MEI4: variants seen among roughly 807,000 people sequenced by gnomAD.
MEI4 encodes meiotic double-stranded break formation protein 4.
A neutral mutation model predicts 31.4 loss-of-function variants in MEI4; 27 were observed. The observed-to-expected ratio is 0.86, with a 90% confidence interval of 0.63 to 1.19. The LOEUF (loss-of-function observed/expected upper bound fraction) is 1.19. MEI4 is among the 50% of genes most tolerant of loss of function. The pLI is 0.00. For synonymous variants in MEI4, 122 were observed against 145.4 expected (o/e 0.84, Z 1.16); for missense variants, 329 against 398.9 (o/e 0.82, Z 1.49).
At chr6:77,872,576 T>C (rs190853871) in intron 4 of MEI4, among the ~76,000 whole-genome samples, 4 of 151,926 alleles carry the variant, frequency 2.6e-5, no homozygotes, top group Non-Finnish European at 4.4e-5. Flanking sequence ...ATTTTTTATT[T>C]ATTTTATTTT....
chr6:77,671,590 A>G (rs1003341543), intron 1 of MEI4, among the ~76,000 whole-genome samples: 1 of 152,190 alleles, frequency 6.6e-6, no homozygotes, highest in African/African-American at 2.4e-5. Context: ...TTTATTTTGA[A>G]GTAGCAACAA....
chr6:77,694,938 T>G (rs1364889003), intron 2 of MEI4, among the ~76,000 whole-genome samples: 5 of 151,040 alleles, frequency 3.3e-5, no homozygotes, highest in African/African-American at 1.2e-4. Flanking sequence ...TTTCCTGACT[T>G]TTTAATGATC....
At chr6:77,747,326 A>C (rs1359933934) in intron 2 of MEI4, among the ~76,000 whole-genome samples, 1 of 152,188 alleles carries the variant, frequency 6.6e-6, no homozygotes, top group Admixed American at 6.5e-5. Flanking sequence ...CTAAAAAAAA[A>C]GAAAAAGAGA....
intron 2 of MEI4, among the ~76,000 whole-genome samples, chr6:77,743,212 A>C (rs9341689): frequency 0.092 from 13,970 of 152,054 alleles, 916 homozygotes; most frequent in East Asian, 0.31. Context: ...TACCTTGGGC[A>C]GTATGGCCAT....
At chr6:77,803,659 G>A (rs1384056665) in intron 3 of MEI4, among the ~76,000 whole-genome samples, 1 of 152,104 alleles carries the variant, frequency 6.6e-6, no homozygotes, top group Non-Finnish European at 1.5e-5. Context: ...TGGTGTGGAT[G>A]TCCTTTCTGT....
chr6:77,825,732 G>T (rs1031844266), intron 3 of MEI4, among the ~76,000 whole-genome samples: 4 of 152,074 alleles, frequency 2.6e-5, no homozygotes, highest in Non-Finnish European at 4.4e-5. Flanking sequence ...TTACTTATTT[G>T]GGACTCATTG....
intron 2 of MEI4, among the ~76,000 whole-genome samples, chr6:77,712,503 G>A (rs748730389): frequency 3.3e-5 from 5 of 152,150 alleles, no homozygotes; most frequent in Non-Finnish European, 7.3e-5. Context: ...GTGGTGTGAT[G>A]TTAGCAACCA....
Position 77,923,796 on chromosome 6 carries a change from T to TTTTTCTTACATAGTTGAAC in MEI4, c.*453_*471dup, listed in dbSNP as rs1554181974. On this transcript the variant is annotated 3_prime_UTR_variant, in exon 5 of 5. Transcript: ENST00000684080. ...TGGTCATAAATGCAATTTTTAAAAC[T>TTTTTCTTACATAGTTGAAC]TTTTCTTACATAGTTGAACTTATAT... The TTTTTCTTACATAGTTGAAC allele has an allele frequency of 6.6e-6, 1 of 151,910 alleles. No individual in the cohort carries two copies. Among genetic ancestry groups the TTTTTCTTACATAGTTGAAC allele is most frequent in the Non-Finnish European group, 1.5e-5 (1 of 67,916 alleles). The allele number at this position is 151,910 out of a possible 1,614,324, so 9.4% of individuals were successfully genotyped here.
intron 2 of MEI4, among the ~76,000 whole-genome samples, chr6:77,713,055 A>G (rs1350276734): frequency 1.3e-5 from 2 of 152,110 alleles, no homozygotes; most frequent in Admixed American, 6.5e-5. Context: ...CTTATTGGAA[A>G]GAGCACTCTT....
chr6:77,887,246 T>TA (rs562259696), intron 4 of MEI4, among the ~76,000 whole-genome samples: 258 of 152,024 alleles, frequency 1.7e-3, no homozygotes, highest in African/African-American at 5.9e-3. Context: ...TTTGTTTATT[T>TA]TTTTTTTTAC....
intron 4 of MEI4, among the ~76,000 whole-genome samples, chr6:77,911,323 G>C (rs2127738930): frequency 6.6e-6 from 1 of 151,834 alleles, no homozygotes; most frequent in African/African-American, 2.4e-5. Context: ...TTTTACTTTA[G>C]CTTCACAGGG....
At chr6:77,730,880 TG>T (rs1420705358) in intron 2 of MEI4, among the ~76,000 whole-genome samples, 1 of 151,120 alleles carries the variant, frequency 6.6e-6, no homozygotes, top group Non-Finnish European at 1.5e-5. Context: ...ATGCAGTGTT[TG>T]GTTTTTTGTT....
At chr6:77,805,872 A>C (rs1192603228) in intron 3 of MEI4, among the ~76,000 whole-genome samples, 2 of 151,696 alleles carry the variant, frequency 1.3e-5, no homozygotes, top group Non-Finnish European at 1.5e-5. Flanking sequence ...TAACAACAAA[A>C]TTTGTTAAGC....
chr6:77,909,879 C>T (rs1209826542), intron 4 of MEI4, among the ~76,000 whole-genome samples: 3 of 152,136 alleles, frequency 2.0e-5, no homozygotes, highest in Admixed American at 6.6e-5. Flanking sequence ...TGGGCTTCAT[C>T]CCTGGGATGC....
At chr6:77,821,750 C>T (rs563059065) in intron 3 of MEI4, among the ~76,000 whole-genome samples, 18 of 142,200 alleles carry the variant, frequency 1.3e-4, no homozygotes, top group Admixed American at 3.8e-4. Flanking sequence ...GAGCTGAGAT[C>T]GCGCCATTGC....
At chr6:77,735,432 C>T (rs562260984) in intron 2 of MEI4, among the ~76,000 whole-genome samples, 4 of 152,162 alleles carry the variant, frequency 2.6e-5, no homozygotes, top group South Asian at 2.1e-4. Context: ...GCATCGGCTC[C>T]TGAGGCTTCT....
chr6:77,917,912 A>T (rs1766601764), intron 4 of MEI4, among the ~76,000 whole-genome samples: 1 of 148,800 alleles, frequency 6.7e-6, no homozygotes, highest in African/African-American at 2.5e-5. Flanking sequence ...TCTAACGTTT[A>T]AGTCTTTAAT....
At chr6:77,685,237 A>G (rs1303280646) in intron 1 of MEI4, among the ~76,000 whole-genome samples, 1 of 149,784 alleles carries the variant, frequency 6.7e-6, no homozygotes, top group Non-Finnish European at 1.5e-5. Context: ...AGCTCCTTAT[A>G]TATTCTGGCT....
intron 4 of MEI4, among the ~76,000 whole-genome samples, chr6:77,904,757 A>G (rs1488729215): frequency 6.6e-6 from 1 of 151,984 alleles, no homozygotes; most frequent in Non-Finnish European, 1.5e-5. Context: ...TTGTAAATCC[A>G]ATTTAACTTT....
Sources: allele counts gnomAD v4.1 joint callset (sites outside exome capture counted in the v4.1 genomes callset), GRCh38; gene constraint gnomAD v4.1.1; transcripts MANE v1.5; gene names NCBI Gene and HGNC (gene_info 2026-07-23, HGNC 2026-07-21).